The following DYNC2H1 variants were observed in gnomAD, a reference collection of about 807,000 sequenced individuals.
The protein encoded by DYNC2H1 is dynein cytoplasmic 2 heavy chain 1.
A neutral mutation model predicts 570.0 loss-of-function variants in DYNC2H1; 410 were observed. The ratio of observed to expected loss-of-function variants is 0.72; its 90% CI spans 0.66 to 0.78. The LOEUF is 0.78. Ranked by LOEUF, DYNC2H1 falls within the 30% of genes least tolerant of loss-of-function variation. DYNC2H1 has a pLI of 0.00. For synonymous variants in DYNC2H1, 1,688 were observed against 1,677.6 expected (o/e 1.01, Z -0.15); for missense variants, 4,865 against 5,046.4 (o/e 0.96, Z 1.09).
Position 103,145,597 on chromosome 11 carries a change from T to G in DYNC2H1, c.2703-2175T>G, listed in dbSNP as rs1460857245. Among the ~76,000 whole-genome samples, 2 of 152,204 alleles carry G rather than the reference T, an allele frequency of 1.3e-5. No homozygotes were observed. The highest frequency in any genetic ancestry group is 4.8e-5 in the African/African-American group (2 of 41,452). On this transcript the variant is annotated intron_variant, in intron 18 of 88. Coordinates refer to ENST00000375735, the MANE Select transcript of DYNC2H1 (RefSeq NM_001377.3). This position sits in a 1 kb window ranked among gnomAD's most constrained non-coding sequence, Gnocchi z 4.2. The stretch of plus-strand genomic sequence containing the variant: ...ACAACAATGCCTATCCCACACTGTA[T>G]TTTTCATTTTGTCATTTCTTGCTAA...
intron 82 of DYNC2H1, among the ~76,000 whole-genome samples, chr11:103,355,825 A>G (rs1036204428): frequency 1.3e-5 from 2 of 151,930 alleles, no homozygotes; most frequent in Non-Finnish European, 2.9e-5. Flanking sequence ...AGTCCTTCCA[A>G]CTCAGCCTCC....
At chr11:103,191,491 A>C in intron 45 of DYNC2H1, 26 bp from the exon 46 acceptor site, 1 of 1,523,878 alleles carries the variant, frequency 6.6e-7, no homozygotes, top group Non-Finnish European at 9.0e-7. Context: ...CAGTAGAAAG[A>C]TTGTTTACTG....
At chr11:103,140,387 A>G (rs556412349) in intron 17 of DYNC2H1, among the ~76,000 whole-genome samples, 8 of 151,000 alleles carry the variant, frequency 5.3e-5, no homozygotes, top group Non-Finnish European at 1.2e-4. Flanking sequence ...TCCTTCAGGA[A>G]CTCTTTTAGG....
At position 103,363,886 on chromosome 11, in the gene DYNC2H1, T is replaced by C. The variant is rs1296421465; in HGVS notation, c.12156+5527T>C. 1.3e-5 allele frequency among the ~76,000 whole-genome samples: 2 copies of C among 152,328 alleles called. No individual in the cohort carries two copies. The highest frequency in any genetic ancestry group is 4.8e-5 in the African/African-American group (2 of 41,584). ...GACAGTAGACACTATTTTATTTTCA[T>C]GGAGCCAAGGACTCACAAAAACTCA... On this transcript the variant is annotated intron_variant, in intron 83 of 88. Coordinates refer to ENST00000375735, the MANE Select transcript of DYNC2H1 (RefSeq NM_001377.3). The surrounding 1 kb of genome is among the most constrained non-coding windows in gnomAD (Gnocchi z 5.6).
chr11:103,294,621 A>G (rs904747302), intron 75 of DYNC2H1, among the ~76,000 whole-genome samples: 13 of 152,054 alleles, frequency 8.5e-5, no homozygotes, highest in African/African-American at 2.7e-4. Context: ...GGGAGAGGCA[A>G]TATGGGCTCT....
In DYNC2H1 at chr11:103,125,116, C is replaced by T. The variant is rs925675970; in HGVS notation, c.1678C>T (p.Arg560Ter). The T allele has an allele frequency of 4.3e-6, 7 of 1,612,116 alleles. No individual in the cohort carries two copies. The highest frequency in any genetic ancestry group is 5.9e-6 in the Non-Finnish European group (7 of 1,178,998). Residue 560 changes from arginine (R) to a stop codon, truncating the protein, a stop_gained, in exon 12 of 89, where the codon CGA becomes TGA. Transcript: ENST00000375735. LOFTEE classifies it high-confidence loss of function. Reference protein sequence around the residue: ...RSGLCIEASSRIMELDSNDGL... With the variant: ...RSGLCIEASS ...GTTTTATAGTATTGAGGCTAGTAGTCGAATTATGGAATTGGATTCTAATGA... is the reference window on the plus strand; with the variant it reads ...GTTTTATAGTATTGAGGCTAGTAGTTGAATTATGGAATTGGATTCTAATGA...
intron 53 of DYNC2H1, among the ~76,000 whole-genome samples, chr11:103,210,280 A>G (rs1447827492): frequency 6.6e-6 from 1 of 151,982 alleles, no homozygotes; most frequent in Non-Finnish European, 1.5e-5. Context: ...AACTTTTCAT[A>G]TTAGCTTATC....
chr11:103,282,044 A>T, intron 71 of DYNC2H1, 135 bp from the exon 72 acceptor site: 1 of 632,136 alleles, frequency 1.6e-6, no homozygotes, highest in Non-Finnish European at 2.7e-6. Context: ...TTAACATACT[A>T]GAAGAAGTGG....
rs373081465 is a variant in DYNC2H1 at position 103,129,548 on chromosome 11, G to A, written c.1953+543G>A. On this transcript the variant is annotated intron_variant, in intron 13 of 88. Coordinates refer to ENST00000375735, the MANE Select transcript of DYNC2H1 (RefSeq NM_001377.3). The surrounding 1 kb of genome is among the most constrained non-coding windows in gnomAD (Gnocchi z 4.1). ...AATACAAAAAAATTAGCCAGGCATG[G>A]TGGTGGGTGCCTGTAATCCCAGCTA... 6.6e-6 allele frequency among the ~76,000 whole-genome samples: 1 copy of A among 152,216 alleles called. No individual in the cohort carries two copies. The highest frequency in any genetic ancestry group is 1.9e-4 in the East Asian group (1 of 5,178).
chr11:103,186,701 A>G lies in DYNC2H1; in HGVS notation c.6893+200A>G, dbSNP rs1399063511. ...TTCTTTTCCAGGTTGTGTGATTTCT[A>G]CTGGAAAGACAGCAATCTGAGAAGA... is the stretch of plus-strand genomic sequence containing the variant. On this transcript the variant is annotated intron_variant, in intron 42 of 88. Transcript: ENST00000375735. This position sits in a 1 kb window ranked among gnomAD's most constrained non-coding sequence, Gnocchi z 4.5. 4.6e-5 allele frequency among the ~76,000 whole-genome samples: 7 copies of G among 151,408 alleles called. No individual in the cohort carries two copies. Among genetic ancestry groups the G allele is most frequent in the Admixed American group, 2.0e-4 (3 of 15,134 alleles).
intron 17 of DYNC2H1, among the ~76,000 whole-genome samples, chr11:103,137,916 G>A (rs1859667292): frequency 6.7e-6 from 1 of 150,098 alleles, no homozygotes; most frequent in African/African-American, 2.4e-5. Flanking sequence ...GCAGTGGTTT[G>A]TAGTTCTCCT....
At chr11:103,445,745 G>A (rs984101697) in intron 85 of DYNC2H1, among the ~76,000 whole-genome samples, 4 of 152,156 alleles carry the variant, frequency 2.6e-5, no homozygotes, top group African/African-American at 9.7e-5. Context: ...TCTGCCTCCT[G>A]GGTTCACGCC....
At chr11:103,202,554 T>G (rs1275054596) in intron 50 of DYNC2H1, among the ~76,000 whole-genome samples, 1 of 152,016 alleles carries the variant, frequency 6.6e-6, no homozygotes, top group South Asian at 2.1e-4. Flanking sequence ...TATCTTGGTA[T>G]GTCTAAAATT....
intron 87 of DYNC2H1, among the ~76,000 whole-genome samples, chr11:103,459,958 C>CAAAAAAAA (rs376050088): frequency 1.4e-5 from 1 of 70,850 alleles, no homozygotes; most frequent in African/African-American, 6.5e-5. Flanking sequence ...GACTCCGTCT[C>CAAAAAAAA]AAAAAAAAAA....
intron 83 of DYNC2H1, among the ~76,000 whole-genome samples, chr11:103,378,502 T>C (rs12786254): frequency 0.052 from 7,905 of 152,256 alleles, 381 homozygotes; most frequent in East Asian, 0.19. Context: ...CAGGCCACTG[T>C]GATGGCTAGG....
In DYNC2H1 at chr11:103,461,025, T is replaced by C. The variant is rs1944992337; in HGVS notation, c.12648+4669T>C. On this transcript the variant is annotated intron_variant, in intron 87 of 88. Coordinates refer to ENST00000375735, the MANE Select transcript of DYNC2H1 (RefSeq NM_001377.3). This position sits in a 1 kb window ranked among gnomAD's most constrained non-coding sequence, Gnocchi z 4.8. ...TAATTTTAAAAGCCATCTCTACATA[T>C]GAGATTTAAGATAACTCGACAGAAC... 6.6e-6 allele frequency among the ~76,000 whole-genome samples: 1 copy of C among 152,168 alleles called. No homozygotes were observed. The highest frequency in any genetic ancestry group is 2.4e-5 in the African/African-American group (1 of 41,432).
Position 103,199,229 on chromosome 11 carries a change from G to A in DYNC2H1, c.7841G>A (p.Gly2614Asp), listed in dbSNP as rs904673224. ...AAAATATTCTGATTTTTTTAAAAGG[G>A]TCTTATTCATTATGGACGAGATAAC... ...STDLKDVIKKGLIHYGRDNQN... is the reference protein window; with the variant it reads ...STDLKDVIKKDLIHYGRDNQN... The change falls in exon 49 of 89, where the codon GGT becomes GAT. Residue 2614 changes from glycine (G) to aspartate (D), a missense_variant and splice_region_variant. Physicochemically the swap from Gly to Asp is moderately conservative, Grantham distance 94. Around this residue, in one of 5 missense-constraint regions of DYNC2H1, gnomAD observed 2,401 missense variants for 2,454.6 expected, o/e 0.98. Transcript: ENST00000375735. The surrounding 1 kb of genome is among the most constrained non-coding windows in gnomAD (Gnocchi z 4.6). The A allele has an allele frequency of 6.5e-7, 1 of 1,542,898 alleles. No homozygotes were observed. The highest frequency in any genetic ancestry group is 1.4e-5 in the African/African-American group (1 of 73,128).
rs191473157 is a variant in DYNC2H1, at chr11:103,175,515, T to G, written c.5675-720T>G. Among the ~76,000 whole-genome samples, 566 of 152,340 alleles carry G rather than the reference T, an allele frequency of 3.7e-3. 6 individuals are homozygous for G. Among genetic ancestry groups the G allele is most frequent in the African/African-American group, 0.013 (554 of 41,588 alleles). On this transcript the variant is annotated intron_variant, in intron 36 of 88. Coordinates refer to ENST00000375735, the MANE Select transcript of DYNC2H1 (RefSeq NM_001377.3). ...TATGTGTACTTAAGCATGGAAATAT[T>G]AAGCAATTATAGAGGAAATGCCAGG...
At chr11:103,150,349 A>AT (rs1860474083) in intron 20 of DYNC2H1, among the ~76,000 whole-genome samples, 1 of 77,968 alleles carries the variant, frequency 1.3e-5, no homozygotes, top group South Asian at 4.8e-4. Context: ...AATATGATAG[A>AT]CAAGAGATGA....
Sources: allele counts gnomAD v4.1 joint callset (sites outside exome capture counted in the v4.1 genomes callset), GRCh38; gene constraint gnomAD v4.1.1; regional missense constraint gnomAD v4.1.1; non-coding constraint Gnocchi (gnomAD v3.1); transcripts MANE v1.5; gene names NCBI Gene and HGNC (gene_info 2026-07-23, HGNC 2026-07-21).